The following PIK3R1 variants were observed in gnomAD, a reference collection of about 807,000 sequenced individuals.
PIK3R1 encodes phosphoinositide-3-kinase regulatory subunit 1, also known as phosphatidylinositol 3-kinase regulatory subunit alpha.
In PIK3R1, 29 loss-of-function variants were observed where a neutral mutation model predicts 98.0. The ratio of observed to expected loss-of-function variants is 0.30; its 90% confidence interval spans 0.22 to 0.40. PIK3R1 has a LOEUF of 0.40. Ranked by LOEUF, PIK3R1 falls within the 10% of genes least tolerant of loss-of-function variation. The pLI, the probability that PIK3R1 is intolerant of heterozygous loss-of-function variation, is 1.00. For missense variants in PIK3R1, 596 were observed against 872.7 expected (o/e 0.68, Z 3.99); for synonymous variants, 282 against 311.8 (o/e 0.90, Z 1.01).
chr5:68,236,987 G>C (rs62355062), intron 2 of PIK3R1, among the ~76,000 whole-genome samples: 15,996 of 152,230 alleles, frequency 0.11, 959 homozygotes, highest in Non-Finnish European at 0.14. Flanking sequence ...TAACTCAAAA[G>C]TTTTATAACC....
Position 68,297,633 on chromosome 5 carries a change from T to A in PIK3R1, c.*32T>A, listed in dbSNP as rs755307827. On this transcript the variant is annotated 3_prime_UTR_variant, in exon 16 of 16. Coordinates refer to ENST00000521381, the MANE Select transcript of PIK3R1 (RefSeq NM_181523.3). ...TACTCTTTGATCCTTCTCCTGAAGTTCAGCCACCCTGAGGCCTCTGGAAAG... is the reference window on the plus strand; with the variant it reads ...TACTCTTTGATCCTTCTCCTGAAGTACAGCCACCCTGAGGCCTCTGGAAAG... 3.1e-6 allele frequency: 5 copies of A among 1,597,546 alleles called. No individual in the cohort carries two copies. The Admixed American group carries it at 6.7e-5, about 22-fold the overall frequency.
intron 2 of PIK3R1, among the ~76,000 whole-genome samples, chr5:68,256,640 AT>A (rs1561274470): frequency 6.6e-6 from 1 of 152,180 alleles, no homozygotes; most frequent in Non-Finnish European, 1.5e-5. Context: ...GTATGCATAC[AT>A]GGGTATCCAG....
chr5:68,241,778 A>G (rs1433853326), intron 2 of PIK3R1, among the ~76,000 whole-genome samples: 1 of 152,258 alleles, frequency 6.6e-6, no homozygotes, highest in Non-Finnish European at 1.5e-5. Flanking sequence ...TGCAGGAGGA[A>G]AGGAACCTCT....
chr5:68,292,053 C>G (rs1747422607), intron 7 of PIK3R1: 1 of 407,392 alleles, frequency 2.5e-6, no homozygotes. Context: ...TCTCTTTTCT[C>G]CTTTTCAGTT....
In PIK3R1 at chr5:68,279,702, C is replaced by T. The variant is rs780278854; in HGVS notation, c.603C>T (p.Ala201=). The T allele has an allele frequency of 3.7e-6, 6 of 1,614,060 alleles. No individual in the cohort carries two copies. Among genetic ancestry groups the T allele is most frequent in the East Asian group, 2.2e-5 (1 of 44,874 alleles). Residue 201 remains alanine (A), a synonymous_variant, in exon 5 of 16, where the codon GCC becomes GCT. Transcript: ENST00000521381. The stretch of plus-strand genomic sequence containing the variant: ...TACCAAATCCTGTCATTCCAGCAGC[C>T]GTTTACAGTGAAATGATTTCTTTAG... ...LDLPNPVIPA[A]VYSEMISLAP... is the part of the protein sequence containing the mutation.
intron 1 of PIK3R1, among the ~76,000 whole-genome samples, chr5:68,223,506 C>T (rs1190427641): frequency 6.6e-6 from 1 of 152,022 alleles, no homozygotes; most frequent in Non-Finnish European, 1.5e-5. Flanking sequence ...TTTGGGGTCT[C>T]AGAAGACAGA....
intron 2 of PIK3R1, among the ~76,000 whole-genome samples, chr5:68,236,490 C>A (rs541977283): frequency 6.6e-6 from 1 of 151,958 alleles, no homozygotes; most frequent in Admixed American, 6.6e-5. Context: ...ACCTTGTGAT[C>A]CGCCCACCTC....
In PIK3R1 at chr5:68,273,952, A is replaced by G. The variant is rs756760193; in HGVS notation, c.441A>G (p.Ser147=). 6.2e-7 allele frequency: 1 copy of G among 1,613,816 alleles called. No individual in the cohort carries two copies. Among genetic ancestry groups the G allele is most frequent in the Non-Finnish European group, 8.5e-7 (1 of 1,179,718 alleles). ...EAIEKKGLEC[S]TLYRTQSSSN... The stretch of plus-strand genomic sequence containing the variant: ...TTTGTGTCCTAGGTCTGGAATGTTC[A>G]ACTCTATACAGAACACAGAGCTCCA... The change falls in exon 4 of 16, where the codon TCA becomes TCG. Residue 147 remains serine, a synonymous_variant. Transcript: ENST00000521381.
chr5:68,239,847 A>T (rs934857236), intron 2 of PIK3R1: 2 of 507,106 alleles, frequency 3.9e-6, no homozygotes, highest in African/African-American at 3.8e-5. Context: ...CAGGAAACAG[A>T]CACAAGAACA....
At chr5:68,223,371 T>G (rs1270828989) in intron 1 of PIK3R1, among the ~76,000 whole-genome samples, 3 of 140,460 alleles carry the variant, frequency 2.1e-5, no homozygotes, top group Non-Finnish European at 3.1e-5. Context: ...ACTGCTCTCC[T>G]TTTTTTTTTT....
At chr5:68,280,412 T>C (rs1746782894) in intron 5 of PIK3R1, 116 bp from the exon 6 acceptor site, 2 of 734,330 alleles carry the variant, frequency 2.7e-6, no homozygotes, top group Non-Finnish European at 4.6e-6. Flanking sequence ...CCCAACAACT[T>C]TTTAAATGAC....
At position 68,297,919 on chromosome 5, in the gene PIK3R1, A is replaced by C; in HGVS notation, c.*318A>C. On this transcript the variant is annotated 3_prime_UTR_variant, in exon 16 of 16. Transcript: ENST00000521381. Reference sequence around the variant, plus strand: ...AAAATCTCTGCGTGCAGGGACAAAGAGGCCTTTAACCATGGTGCTTGTTAA... The same window carrying C: ...AAAATCTCTGCGTGCAGGGACAAAGCGGCCTTTAACCATGGTGCTTGTTAA... 4.0e-6 allele frequency: 1 copy of C among 253,060 alleles called. No homozygotes were observed. Among genetic ancestry groups the C allele is most frequent in the Non-Finnish European group, 7.6e-6 (1 of 131,352 alleles). The allele number at this position is 253,060 out of a possible 1,614,324, so 15.7% of individuals were successfully genotyped here.
intron 2 of PIK3R1, among the ~76,000 whole-genome samples, chr5:68,251,261 G>A (rs1036365999): frequency 2.0e-5 from 3 of 151,976 alleles, no homozygotes; most frequent in Non-Finnish European, 1.5e-5. Context: ...ATTTAATAAT[G>A]TCTGGTGGAA....
At chr5:68,286,048 A>G (rs900371954) in intron 7 of PIK3R1, among the ~76,000 whole-genome samples, 2 of 152,188 alleles carry the variant, frequency 1.3e-5, no homozygotes, top group Non-Finnish European at 2.9e-5. Flanking sequence ...TGCTTGTGCA[A>G]CATTTGCCAC....
rs1747661595 is a variant in PIK3R1, at chr5:68,295,469, G to A, written c.1795G>A (p.Gly599Ser). Residue 599 changes from glycine to serine, a missense_variant, in exon 14 of 16, where the codon GGC becomes AGC. Transcript: ENST00000521381. The part of the protein sequence containing the change: ...VRQKKLNEWL[G>S]NENTEDQYSL... The stretch of plus-strand genomic sequence containing the variant: ...GCAAAAGAAGTTGAACGAGTGGTTG[G>A]GCAATGAAAACACTGAAGAGTAAGT... The A allele has an allele frequency of 1.9e-6, 3 of 1,614,050 alleles. No individual in the cohort carries two copies. In the East Asian group the frequency reaches 6.7e-5, roughly 36 times the overall value.
At chr5:68,262,575 A>G (rs1170540676) in intron 2 of PIK3R1, among the ~76,000 whole-genome samples, 10 of 140,838 alleles carry the variant, frequency 7.1e-5, no homozygotes, top group Non-Finnish European at 1.1e-4. Context: ...ACATGTACCT[A>G]CATGTATACA....
chr5:68,262,453 CAT>C (rs1167418962), intron 2 of PIK3R1, among the ~76,000 whole-genome samples: 28 of 142,004 alleles, frequency 2.0e-4, no homozygotes, highest in East Asian at 1.2e-3. Flanking sequence ...ATGTAGAATA[CAT>C]ATATATATCT....
intron 15 of PIK3R1, 78 bp downstream of exon 15, chr5:68,296,419 G>A: frequency 1.5e-6 from 2 of 1,363,552 alleles, no homozygotes; most frequent in Middle Eastern, 1.9e-4. Flanking sequence ...GAGTTTTGGG[G>A]GCAAAGATTT....
At chr5:68,252,526 T>C (rs956817436) in intron 2 of PIK3R1, among the ~76,000 whole-genome samples, 5 of 152,206 alleles carry the variant, frequency 3.3e-5, no homozygotes, top group African/African-American at 7.2e-5. Context: ...AATATTGCAA[T>C]AGTAAACTGT....
Sources: gnomAD v4.1 joint callset for allele counts (sites outside exome capture counted in the v4.1 genomes callset) on GRCh38, gnomAD v4.1.1 for gene constraint, MANE v1.5 for transcripts, NCBI Gene and HGNC (gene_info 2026-07-23, HGNC 2026-07-21) for gene names.